EPC2: variants seen among roughly 807,000 people sequenced by gnomAD.
EPC2 encodes the protein enhancer of polycomb homolog 2.
A neutral mutation model predicts 92.1 loss-of-function variants in EPC2; 14 were observed. That is an observed-to-expected ratio of 0.15 (90% CI 0.10 to 0.24). The LOEUF is 0.24. Ranked by LOEUF, EPC2 falls within the 10% of genes least tolerant of loss-of-function variation. The pLI is 1.00. For missense variants in EPC2, 755 were observed against 971.5 expected (o/e 0.78, Z 2.96); for synonymous variants, 340 against 334.7 (o/e 1.02, Z -0.17).
chr2:148,762,882 A>G, intron 6 of EPC2, 80 bp downstream of exon 6: 1 of 1,445,576 alleles, frequency 6.9e-7, no homozygotes, highest in Non-Finnish European at 9.2e-7. Flanking sequence ...TTGTCTTAAT[A>G]TGGTTTGAGT....
intron 2 of EPC2, among the ~76,000 whole-genome samples, chr2:148,730,100 A>G (rs1034638953): frequency 3.3e-5 from 5 of 152,050 alleles, no homozygotes; most frequent in Non-Finnish European, 7.4e-5. Context: ...TCTGCACTTC[A>G]TTTTCTTGAG....
chr2:148,754,014 A>G lies in EPC2; in HGVS notation c.547A>G (p.Lys183Glu). Reference sequence around the variant, plus strand: ...ATATGACTACTGGGTGAGAAAACGTAAAAACTGCAGGGGGCCATCCCTCAT... The same window carrying G: ...ATATGACTACTGGGTGAGAAAACGTGAAAACTGCAGGGGGCCATCCCTCAT... Reference protein sequence around the residue: ...AVYDYWVRKRKNCRGPSLIPQ... With the variant: ...AVYDYWVRKRENCRGPSLIPQ... Residue 183 changes from lysine to glutamate, a missense_variant, in exon 4 of 14, where the codon AAA (lysine) becomes GAA (glutamate). Around this residue, in one of 4 missense-constraint regions of EPC2, gnomAD observed 509 missense variants for 607.7 expected, o/e 0.84. Transcript: ENST00000258484. 1.2e-6 allele frequency: 2 copies of G among 1,611,868 alleles called. No homozygotes were observed. Among genetic ancestry groups the G allele is most frequent in the Non-Finnish European group, 1.7e-6 (2 of 1,178,948 alleles).
At chr2:148,742,752 G>A (rs1319921752) in intron 2 of EPC2, among the ~76,000 whole-genome samples, 1 of 146,354 alleles carries the variant, frequency 6.8e-6, no homozygotes, top group Non-Finnish European at 1.5e-5. Flanking sequence ...TTGCACTATA[G>A]CCTGGGCAAC....
At chr2:148,678,914 C>G (rs1385959735) in intron 1 of EPC2, among the ~76,000 whole-genome samples, 1 of 152,222 alleles carries the variant, frequency 6.6e-6, no homozygotes, top group Non-Finnish European at 1.5e-5. Flanking sequence ...CAAGAGCGAG[C>G]GAGGGCTGTG....
At chr2:148,771,530 A>T in intron 10 of EPC2, 143 bp downstream of exon 10, 4 of 735,752 alleles carry the variant, frequency 5.4e-6, no homozygotes, top group Non-Finnish European at 8.9e-6. Context: ...ATTTTAACCA[A>T]ATTGTCCTAA....
chr2:148,728,684 C>T (rs1682551764), intron 2 of EPC2, among the ~76,000 whole-genome samples: 1 of 150,792 alleles, frequency 6.6e-6, no homozygotes, highest in Non-Finnish European at 1.5e-5. Context: ...GAGCCATGAT[C>T]GTGCTACTGC....
chr2:148,774,433 C>T (rs953505359), intron 10 of EPC2, among the ~76,000 whole-genome samples: 3 of 150,998 alleles, frequency 2.0e-5, no homozygotes, highest in Non-Finnish European at 4.4e-5. Context: ...TCGAGACCAG[C>T]CTGGGCAACA....
At chr2:148,774,215 A>C (rs1338141343) in intron 10 of EPC2, among the ~76,000 whole-genome samples, 1 of 152,210 alleles carries the variant, frequency 6.6e-6, no homozygotes, top group Non-Finnish European at 1.5e-5. Flanking sequence ...CTTAAACAAA[A>C]ATTAAAAAGA....
At chr2:148,691,703 T>G in intron 2 of EPC2, 1 of 1,280,726 alleles carries the variant, frequency 7.8e-7, no homozygotes, top group Non-Finnish European at 1.1e-6. Context: ...ACCACAGTAT[T>G]AGCTTTAATT....
intron 2 of EPC2, among the ~76,000 whole-genome samples, chr2:148,735,956 A>G (rs1051299752): frequency 6.6e-6 from 1 of 152,110 alleles, no homozygotes; most frequent in African/African-American, 2.4e-5. Context: ...GGAATCAAGC[A>G]TTTATCTTTC....
intron 1 of EPC2, among the ~76,000 whole-genome samples, chr2:148,688,942 G>C (rs1379481907): frequency 6.6e-6 from 1 of 152,104 alleles, no homozygotes; most frequent in Non-Finnish European, 1.5e-5. Flanking sequence ...AGTAAAACAG[G>C]AAAGGTATGG....
intron 10 of EPC2, among the ~76,000 whole-genome samples, chr2:148,774,972 C>G (rs1574636431): frequency 6.6e-6 from 1 of 151,300 alleles, no homozygotes; most frequent in East Asian, 1.9e-4. Context: ...GCCTGTAGTC[C>G]CAGCTACTGG....
At chr2:148,687,158 G>A (rs1278222768) in intron 1 of EPC2, among the ~76,000 whole-genome samples, 1 of 152,170 alleles carries the variant, frequency 6.6e-6, no homozygotes, top group Non-Finnish European at 1.5e-5. Flanking sequence ...GCGCTTTTAT[G>A]TTATGGAGAT....
At chr2:148,779,442 G>A (rs1683706982) in intron 10 of EPC2, among the ~76,000 whole-genome samples, 2 of 152,058 alleles carry the variant, frequency 1.3e-5, no homozygotes, top group South Asian at 2.1e-4. Context: ...AATTAGCCAG[G>A]TGTGATGCCA....
intron 1 of EPC2, among the ~76,000 whole-genome samples, chr2:148,650,640 A>T (rs1395243968): frequency 6.6e-6 from 1 of 152,140 alleles, no homozygotes; most frequent in Non-Finnish European, 1.5e-5. Flanking sequence ...CCGTTATGTT[A>T]ATATTTTAAG....
intron 2 of EPC2, among the ~76,000 whole-genome samples, chr2:148,709,605 T>G (rs150886747): frequency 1.8e-3 from 267 of 152,048 alleles, no homozygotes; most frequent in African/African-American, 5.9e-3. Flanking sequence ...ATACTACAAG[T>G]CTACAGTAAC....
chr2:148,738,804 C>G (rs916377131), intron 2 of EPC2, among the ~76,000 whole-genome samples: 2 of 152,144 alleles, frequency 1.3e-5, no homozygotes, highest in Non-Finnish European at 2.9e-5. Flanking sequence ...AATACGTGGA[C>G]ATAAAATTTC....
intron 2 of EPC2, among the ~76,000 whole-genome samples, chr2:148,696,694 T>C (rs1222277000): frequency 6.6e-6 from 1 of 152,130 alleles, no homozygotes; most frequent in Non-Finnish European, 1.5e-5. Flanking sequence ...GCAGAACTGA[T>C]TGTGTTAGGA....
In EPC2 at chr2:148,785,089, A is replaced by G. The variant is rs994316510; in HGVS notation, c.2351+88A>G. On this transcript the variant is annotated intron_variant, in intron 13 of 13. Coordinates refer to ENST00000258484, the MANE Select transcript of EPC2 (RefSeq NM_015630.4). ...GACTTTTTTTTACACTGCTCAAGCA[A>G]TAGGTGTTTATTGACAGACTTGATT... is the stretch of plus-strand genomic sequence containing the variant. 1.2e-5 allele frequency: 13 copies of G among 1,054,182 alleles called. No homozygotes were observed. In the African/African-American group the frequency reaches 1.5e-4, roughly 12 times the overall value. The allele number at this position is 1,054,182 out of a possible 1,614,324, so 65.3% of individuals were successfully genotyped here. A position where few individuals can be genotyped will look rare whatever the true frequency, so the allele number is the denominator to read the frequency against.
Sources: allele counts gnomAD v4.1 joint callset (sites outside exome capture counted in the v4.1 genomes callset), GRCh38; gene constraint gnomAD v4.1.1; regional missense constraint gnomAD v4.1.1; transcripts MANE v1.5; gene names NCBI Gene and HGNC (gene_info 2026-07-23, HGNC 2026-07-21).